Variants in EYS observed in about 807,000 individuals in gnomAD.
The protein encoded by EYS is protein eyes shut homolog.
A neutral mutation model predicts 282.1 loss-of-function variants in EYS; 250 were observed. That is an observed-to-expected ratio of 0.89 (90% CI 0.80 to 0.98). EYS has a LOEUF of 0.98. Ranked by LOEUF, EYS falls within the 50% of genes least tolerant of loss-of-function variation. The pLI is 0.00. For missense variants in EYS, 4,016 were observed against 3,709.0 expected (o/e 1.08, Z -2.15); for synonymous variants, 1,355 against 1,282.9 (o/e 1.06, Z -1.20).
At chr6:64,934,449 T>C (rs910721017) in intron 15 of EYS, among the ~76,000 whole-genome samples, 2 of 151,774 alleles carry the variant, frequency 1.3e-5, no homozygotes, top group Admixed American at 6.6e-5. Flanking sequence ...TTGAAAGAGA[T>C]TGAAAGTTAA....
intron 2 of EYS, among the ~76,000 whole-genome samples, chr6:65,582,396 T>G (rs565824718): frequency 1.3e-5 from 2 of 152,162 alleles, no homozygotes; most frequent in Admixed American, 1.3e-4. Flanking sequence ...AAATAGAAAT[T>G]CAGTTTTAAG....
intron 1 of EYS, among the ~76,000 whole-genome samples, chr6:65,685,522 G>A (rs1230693509): frequency 2.0e-5 from 3 of 152,152 alleles, no homozygotes; most frequent in South Asian, 2.1e-4. Flanking sequence ...ATTTACTAGA[G>A]TATAATTGAA....
intron 26 of EYS, among the ~76,000 whole-genome samples, chr6:64,464,284 T>C (rs371428291): frequency 1.3e-5 from 2 of 152,256 alleles, no homozygotes; most frequent in African/African-American, 2.4e-5. Context: ...AAATTACGTA[T>C]AGAAGGAATG....
At chr6:64,600,748 TTGA>T (rs1230528179) in intron 24 of EYS, among the ~76,000 whole-genome samples, 1 of 152,118 alleles carries the variant, frequency 6.6e-6, no homozygotes, top group Non-Finnish European at 1.5e-5. Context: ...ACTGATGTAC[TTGA>T]TGGTCAGTAA....
At chr6:65,647,619 G>C (rs144071527) in intron 1 of EYS, among the ~76,000 whole-genome samples, 84 of 152,252 alleles carry the variant, frequency 5.5e-4, no homozygotes, top group African/African-American at 1.8e-3. Flanking sequence ...AAGAGTTCAT[G>C]ACTAAGAACT....
intron 19 of EYS, among the ~76,000 whole-genome samples, chr6:64,842,593 T>C (rs936996063): frequency 2.0e-5 from 3 of 151,970 alleles, no homozygotes; most frequent in Non-Finnish European, 2.9e-5. Context: ...GATAGCAATA[T>C]GAATGCTAAG....
chr6:63,897,520 A>G (rs899869471), intron 35 of EYS, among the ~76,000 whole-genome samples: 1 of 152,178 alleles, frequency 6.6e-6, no homozygotes, highest in Non-Finnish European at 1.5e-5. Context: ...CAGCCACCAG[A>G]AACTGAAGAG....
chr6:64,221,626 G>T (rs1028030717), intron 31 of EYS, among the ~76,000 whole-genome samples: 1 of 152,020 alleles, frequency 6.6e-6, no homozygotes, highest in African/African-American at 2.4e-5. Context: ...CTCAGTTTCA[G>T]TTACTCCATG....
intron 26 of EYS, among the ~76,000 whole-genome samples, chr6:64,480,540 GT>G: frequency 1.3e-5 from 2 of 151,906 alleles, no homozygotes; most frequent in East Asian, 3.9e-4. Context: ...CTAAATGAAA[GT>G]TTGCAGCCTA....
chr6:64,816,245 C>T (rs370725739), intron 21 of EYS, among the ~76,000 whole-genome samples: 11 of 152,162 alleles, frequency 7.2e-5, no homozygotes, highest in South Asian at 2.1e-4. Flanking sequence ...CACAGAATTC[C>T]GTGAACTTTG....
At chr6:64,468,103 C>T (rs1461167215) in intron 26 of EYS, among the ~76,000 whole-genome samples, 1 of 152,160 alleles carries the variant, frequency 6.6e-6, no homozygotes, top group Non-Finnish European at 1.5e-5. Context: ...AATACCACTG[C>T]CCACACCACC....
At chr6:65,365,143 A>C (rs1166813701) in intron 8 of EYS, among the ~76,000 whole-genome samples, 1 of 151,786 alleles carries the variant, frequency 6.6e-6, no homozygotes, top group Non-Finnish European at 1.5e-5. Context: ...AAGAATGAAT[A>C]AATTCCTTTC....
chr6:65,462,720 T>A (rs914112018), intron 5 of EYS, among the ~76,000 whole-genome samples: 7 of 152,080 alleles, frequency 4.6e-5, no homozygotes, highest in African/African-American at 1.4e-4. Flanking sequence ...TTCATAGTCA[T>A]TAAATTTAAA....
chr6:64,636,283 C>A (rs192961309), intron 22 of EYS, among the ~76,000 whole-genome samples: 4 of 152,232 alleles, frequency 2.6e-5, no homozygotes, highest in African/African-American at 7.2e-5. Context: ...AGAAATAATG[C>A]CACATATCTA....
chr6:64,364,800 C>T (rs1018202385), intron 29 of EYS, among the ~76,000 whole-genome samples: 5 of 151,834 alleles, frequency 3.3e-5, no homozygotes, highest in South Asian at 2.1e-4. Flanking sequence ...CTATTGTGTA[C>T]AATGTACACT....
rs189884849 is a variant in EYS, at chr6:64,029,358, G to A, written c.6726-30175C>T. On this transcript the variant is annotated intron_variant, in intron 33 of 42. Transcript: ENST00000503581. ...GGTAGTTGCAGCAGTGGCCATCTTA[G>A]TGTCAGAGGCTATTAAAATAATACA... Among the ~76,000 whole-genome samples, 223 of 152,322 alleles carry A rather than the reference G, an allele frequency of 1.5e-3. 1 individual carries two copies. The highest frequency in any genetic ancestry group is 3.3e-3 in the Admixed American group (51 of 15,304).
chr6:64,972,167 G>C (rs1459034262), intron 14 of EYS, among the ~76,000 whole-genome samples: 2 of 152,122 alleles, frequency 1.3e-5, no homozygotes, highest in Non-Finnish European at 2.9e-5. Flanking sequence ...AGAAGACGTG[G>C]AAGAAGACAT....
chr6:64,238,841 T>C (rs553426140), intron 30 of EYS, among the ~76,000 whole-genome samples: 1 of 152,170 alleles, frequency 6.6e-6, no homozygotes, highest in Non-Finnish European at 1.5e-5. Flanking sequence ...CCATGGTGGC[T>C]TGCTGCAAGC....
At chr6:63,825,366 C>A (rs1382658770) in intron 36 of EYS, among the ~76,000 whole-genome samples, 1 of 152,166 alleles carries the variant, frequency 6.6e-6, no homozygotes, top group African/African-American at 2.4e-5. Context: ...GTTCTAGGGC[C>A]CCGCCCACTG....
Sources: allele counts gnomAD v4.1 joint callset (sites outside exome capture counted in the v4.1 genomes callset), GRCh38; gene constraint gnomAD v4.1.1; transcripts MANE v1.5; gene names NCBI Gene and HGNC (gene_info 2026-07-23, HGNC 2026-07-21).